The following NUP93 variants were observed in gnomAD, a reference collection of about 807,000 sequenced individuals.
NUP93 encodes the protein nucleoporin 93, also known as nuclear pore complex protein Nup93.
In NUP93, 55 loss-of-function variants were observed where a neutral mutation model predicts 107.8. The ratio of observed to expected loss-of-function variants is 0.51; its 90% CI spans 0.41 to 0.64. NUP93 has a LOEUF of 0.64. Ranked by LOEUF, NUP93 falls within the 30% of genes least tolerant of loss-of-function variation. The pLI is 0.00. For missense variants in NUP93, 937 were observed against 1,044.7 expected, an observed-to-expected ratio of 0.90 and a Z score of 1.42; for synonymous variants, 390 against 397.5, an observed-to-expected ratio of 0.98 and a Z score of 0.22.
rs111551414 is a variant in NUP93 at position 56,767,946 on chromosome 16, A to T, written c.297+9291A>T. 4.1e-3 allele frequency among the ~76,000 whole-genome samples: 628 copies of T among 152,212 alleles called. 5 individuals are homozygous for T. The highest frequency in any genetic ancestry group is 0.015 in the African/African-American group (605 of 41,520). ...GCTTCTCAAACCAGTTTTTTTCTTC[A>T]CTTTGTCTCAGACTGAGAGATACTT... On this transcript the variant is annotated intron_variant, in intron 3 of 21. Transcript: ENST00000308159.
chr16:56,826,911 T>C (rs530507294), intron 8 of NUP93, among the ~76,000 whole-genome samples: 11 of 151,746 alleles, frequency 7.2e-5, no homozygotes, highest in African/African-American at 2.7e-4. Context: ...CCAGGCATGA[T>C]GGTGCACACC....
At position 56,841,713 on chromosome 16, in the gene NUP93, C is replaced by T. The variant is rs775339825; in HGVS notation, c.2229C>T (p.His743=). The T allele has an allele frequency of 1.8e-5, 29 of 1,614,148 alleles. No individual in the cohort carries two copies. The highest frequency in any genetic ancestry group is 2.4e-5 in the Non-Finnish European group (28 of 1,179,998). The change falls in exon 21 of 22, where the codon CAC becomes CAT. Residue 743 remains histidine, a synonymous_variant. Coordinates refer to ENST00000308159, the MANE Select transcript of NUP93 (RefSeq NM_014669.5). ...TTTTTCTCTCTATGTAGATCAGGCA[C>T]AACCTCTCAGAAGTGCTTCTTGCCA... ...AFRNFSDEIR[H]NLSEVLLATM...
chr16:56,808,650 AAAAATACATATATTTATAAATATAT>A (rs1423525566), intron 5 of NUP93, among the ~76,000 whole-genome samples: 259 of 135,990 alleles, frequency 1.9e-3, no homozygotes, highest in Admixed American at 4.0e-3. Flanking sequence ...ATAAATATAT[AAAAATACATATATTTATAAATATAT>A]AAAATACATA....
intron 1 of NUP93, among the ~76,000 whole-genome samples, chr16:56,746,714 G>A (rs1961826317): frequency 6.6e-6 from 1 of 152,162 alleles, no homozygotes; most frequent in African/African-American, 2.4e-5. Flanking sequence ...TGCCAACATG[G>A]CAAAACCCAT....
chr16:56,758,087 T>G (rs12924698), intron 2 of NUP93, among the ~76,000 whole-genome samples: 70,645 of 150,768 alleles, frequency 0.47, 16,936 homozygotes, highest in Non-Finnish European at 0.49. Flanking sequence ...AAAAAAAAGT[T>G]GGGGGGAGCT....
chr16:56,811,005 T>C (rs1224693821), intron 5 of NUP93, among the ~76,000 whole-genome samples: 2 of 152,230 alleles, frequency 1.3e-5, no homozygotes, highest in African/African-American at 4.8e-5. Context: ...TAACTGCAAT[T>C]TGTTTATCCA....
intron 3 of NUP93, among the ~76,000 whole-genome samples, chr16:56,768,666 A>C (rs569757923): frequency 6.6e-6 from 1 of 151,296 alleles, no homozygotes; most frequent in Non-Finnish European, 1.5e-5. Context: ...GGAGATCGAG[A>C]CCATCCTGGC....
At chr16:56,740,164 G>T (rs1961699230) in intron 1 of NUP93, among the ~76,000 whole-genome samples, 4 of 147,188 alleles carry the variant, frequency 2.7e-5, no homozygotes, top group Admixed American at 1.3e-4. Flanking sequence ...TGGCTGCCGG[G>T]CGGAGACGCT....
At chr16:56,770,476 T>C (rs1209901463) in intron 3 of NUP93, among the ~76,000 whole-genome samples, 2 of 152,032 alleles carry the variant, frequency 1.3e-5, no homozygotes. Context: ...ACTTTGAGAG[T>C]AAATGAGAAC....
chr16:56,810,701 C>T (rs1963296319), intron 5 of NUP93, among the ~76,000 whole-genome samples: 1 of 151,994 alleles, frequency 6.6e-6, no homozygotes, highest in South Asian at 2.1e-4. Context: ...ACAAATAGAA[C>T]ACACCCAGAT....
intron 3 of NUP93, among the ~76,000 whole-genome samples, chr16:56,768,074 G>A (rs1962246079): frequency 6.6e-6 from 1 of 152,198 alleles, no homozygotes; most frequent in Non-Finnish European, 1.5e-5. Context: ...TCAGTTTGCT[G>A]TAAAAATCTC....
At chr16:56,764,533 C>A (rs924163582) in intron 3 of NUP93, among the ~76,000 whole-genome samples, 1 of 152,056 alleles carries the variant, frequency 6.6e-6, no homozygotes, top group Non-Finnish European at 1.5e-5. Flanking sequence ...GTCTTGTAAC[C>A]CCTTATCACC....
intron 8 of NUP93, among the ~76,000 whole-genome samples, chr16:56,825,316 A>C (rs1218629907): frequency 3.5e-5 from 5 of 144,022 alleles, no homozygotes; most frequent in African/African-American, 1.0e-4. Flanking sequence ...GGTTCAGGCG[A>C]TTCTCCTGCC....
At chr16:56,815,563 G>T (rs537969104) in intron 5 of NUP93, among the ~76,000 whole-genome samples, 1 of 152,194 alleles carries the variant, frequency 6.6e-6, no homozygotes, top group African/African-American at 2.4e-5. Flanking sequence ...GTTGTGGAGC[G>T]TAGGATTTGC....
intron 1 of NUP93, among the ~76,000 whole-genome samples, chr16:56,736,213 C>A (rs1961610417): frequency 6.6e-6 from 1 of 152,018 alleles, no homozygotes; most frequent in Admixed American, 6.6e-5. Flanking sequence ...GCCTGTAATC[C>A]CAGCTACCCA....
At chr16:56,808,829 AAT>A (rs1203605784) in intron 5 of NUP93, among the ~76,000 whole-genome samples, 2 of 146,294 alleles carry the variant, frequency 1.4e-5, no homozygotes, top group Non-Finnish European at 3.0e-5. Context: ...TACATATATA[AAT>A]ATATATATAA....
At chr16:56,811,908 AC>A (rs1282341298) in intron 5 of NUP93, among the ~76,000 whole-genome samples, 1 of 152,202 alleles carries the variant, frequency 6.6e-6, no homozygotes, top group Non-Finnish European at 1.5e-5. Context: ...TTGGTAAGAT[AC>A]ACATTTTTAC....
intron 3 of NUP93, among the ~76,000 whole-genome samples, chr16:56,790,382 T>G (rs1962732500): frequency 6.6e-6 from 1 of 152,196 alleles, no homozygotes; most frequent in African/African-American, 2.4e-5. Flanking sequence ...TTTCTGGGCT[T>G]TATCAGTAAT....
intron 4 of NUP93, among the ~76,000 whole-genome samples, chr16:56,800,101 T>C (rs1336873528): frequency 2.6e-5 from 4 of 152,154 alleles, no homozygotes; most frequent in Non-Finnish European, 5.9e-5. Flanking sequence ...GAGAACCGCT[T>C]GAACCTAGGA....
Sources: gnomAD v4.1 joint callset for allele counts (sites outside exome capture counted in the v4.1 genomes callset) on GRCh38, gnomAD v4.1.1 for gene constraint, MANE v1.5 for transcripts, NCBI Gene and HGNC (gene_info 2026-07-23, HGNC 2026-07-21) for gene names.